Variants in NLGN4X observed in about 807,000 individuals in gnomAD.
NLGN4X encodes the protein neuroligin-4, X-linked.
A neutral mutation model predicts 40.3 loss-of-function variants in NLGN4X; 3 were observed. The observed-to-expected ratio is 0.07, with a 90% CI of 0.03 to 0.19. NLGN4X has a LOEUF of 0.19. Ranked by LOEUF, NLGN4X falls within the 10% of genes least tolerant of loss-of-function variation. NLGN4X has a pLI of 1.00. For missense variants in NLGN4X, 382 were observed against 708.3 expected, an observed-to-expected ratio of 0.54 and a Z score of 5.23; for synonymous variants, 270 against 306.8, an observed-to-expected ratio of 0.88 and a Z score of 1.25.
In NLGN4X at chrX:5,892,534, G is replaced by C. The variant is rs1030341228; in HGVS notation, c.*283C>G. 8 of 337,968 alleles carry C rather than the reference G, an allele frequency of 2.4e-5. No individual in the cohort carries two copies. The Admixed American group carries it at 3.7e-4, about 16-fold the overall frequency. 27.9% of individuals were successfully genotyped at this position (337,968 alleles called of 1,213,427 possible). ...GTGATGTCCTATCACACTAAACATC[G>C]ATTGGAGTGGTAGAGATCTTAAAGC... On this transcript the variant is annotated 3_prime_UTR_variant, in exon 6 of 6. Coordinates refer to ENST00000381095, the MANE Select transcript of NLGN4X (RefSeq NM_181332.3).
At chrX:6,135,571 C>T (rs752089640) in intron 2 of NLGN4X, among the ~76,000 whole-genome samples, 1 of 111,646 alleles carries the variant, frequency 9.0e-6, no homozygotes, top group East Asian at 2.8e-4. Context: ...GCCTACTGGA[C>T]TTACCCAATC....
At position 6,015,483 on chromosome X, in the gene NLGN4X, G is replaced by A. The variant is rs190638069; in HGVS notation, c.625+13797C>T. 5.4e-5 allele frequency among the ~76,000 whole-genome samples: 6 copies of A among 111,241 alleles called. No homozygotes were observed. In the East Asian group the frequency reaches 1.1e-3, roughly 21 times the overall value. On this transcript the variant is annotated intron_variant, in intron 3 of 5. Coordinates refer to ENST00000381095, the MANE Select transcript of NLGN4X (RefSeq NM_181332.3). ...ATTACAAAACCTTGTAAGGAACGGAGGGATGCCTTGTCCATTTTCTATTGA... is the reference window on the plus strand; with the variant it reads ...ATTACAAAACCTTGTAAGGAACGGAAGGATGCCTTGTCCATTTTCTATTGA...
At chrX:6,125,237 G>A (rs143340491) in intron 2 of NLGN4X, among the ~76,000 whole-genome samples, 2,305 of 112,121 alleles carry the variant, frequency 0.021, 55 homozygotes, top group African/African-American at 0.069. Context: ...ACAGGAAGAA[G>A]AGAAAACAGA....
chrX:6,002,475 T>C (rs1267956539), intron 3 of NLGN4X, among the ~76,000 whole-genome samples: 3 of 112,718 alleles, frequency 2.7e-5, no homozygotes, highest in Admixed American at 1.9e-4. Flanking sequence ...AGCTATAAGC[T>C]GTACTTGCCT....
intron 3 of NLGN4X, among the ~76,000 whole-genome samples, chrX:5,993,818 A>T (rs1163685309): frequency 1.8e-5 from 2 of 111,792 alleles, no homozygotes; most frequent in African/African-American, 6.5e-5. Flanking sequence ...TCTAGAGAAC[A>T]GGTGAGGATC....
At chrX:5,915,022 T>A in intron 3 of NLGN4X, among the ~76,000 whole-genome samples, 1 of 112,754 alleles carries the variant, frequency 8.9e-6, no homozygotes, top group South Asian at 3.7e-4. Flanking sequence ...TGCACTGCAT[T>A]CAAATTCTGT....
intron 2 of NLGN4X, among the ~76,000 whole-genome samples, chrX:6,120,383 T>C (rs762848561): frequency 7.2e-5 from 8 of 111,809 alleles, no homozygotes; most frequent in Non-Finnish European, 1.3e-4. Context: ...TAAAGAACTG[T>C]AGAACAGTAC....
intron 3 of NLGN4X, among the ~76,000 whole-genome samples, chrX:5,948,984 A>G (rs940815252): frequency 9.0e-6 from 1 of 111,631 alleles, no homozygotes; most frequent in Non-Finnish European, 1.9e-5. Context: ...AGCACCATGC[A>G]TAGCCTCTCC....
At chrX:6,004,748 CA>C (rs768909914) in intron 3 of NLGN4X, among the ~76,000 whole-genome samples, 2 of 111,968 alleles carry the variant, frequency 1.8e-5, no homozygotes, top group Non-Finnish European at 3.8e-5. Flanking sequence ...TATGTACTCC[CA>C]ACCCTGTTTC....
chrX:6,218,159 C>A (rs1019702189), intron 1 of NLGN4X, among the ~76,000 whole-genome samples: 5 of 111,197 alleles, frequency 4.5e-5, no homozygotes, highest in African/African-American at 6.5e-5. Context: ...TACCTCAAGG[C>A]TAGGACAAAC....
intron 3 of NLGN4X, among the ~76,000 whole-genome samples, chrX:6,024,124 A>C (rs181740069): frequency 1.6e-4 from 18 of 112,138 alleles, no homozygotes; most frequent in African/African-American, 5.8e-4. Context: ...TATCCTCTGC[A>C]GTTTCTGTCT....
Position 6,161,770 on chromosome X carries a change from GAA to G in NLGN4X, c.-305-10001_-305-10000del, listed in dbSNP as rs756879032. On this transcript the variant is annotated intron_variant, in intron 1 of 5. Transcript: ENST00000381095. ...AGAAATATTTATATATAAATACGTG[GAA>G]AGAGAGAGAGGGAGAAAGAGAGGGA... Among the ~76,000 whole-genome samples the G allele has an allele frequency of 6.8e-4, 75 of 110,001 alleles. No homozygotes were observed. The East Asian group carries it at 0.018, about 27-fold the overall frequency.
chrX:5,906,592 C>T (rs1398895693), intron 4 of NLGN4X, among the ~76,000 whole-genome samples: 1 of 111,698 alleles, frequency 9.0e-6, no homozygotes, highest in Non-Finnish European at 1.9e-5. Context: ...CTCACTGCAG[C>T]CTCGACATCC....
intron 5 of NLGN4X, among the ~76,000 whole-genome samples, chrX:5,901,264 T>C (rs1008559222): frequency 1.8e-5 from 2 of 112,348 alleles, no homozygotes; most frequent in African/African-American, 6.5e-5. Context: ...CCAGATCTTC[T>C]AAGGATTACT....
At chrX:6,067,500 A>G (rs1295126767) in intron 2 of NLGN4X, among the ~76,000 whole-genome samples, 1 of 111,203 alleles carries the variant, frequency 9.0e-6, no homozygotes, top group Non-Finnish European at 1.9e-5. Context: ...TCCTCACTCC[A>G]ATATCGTAGT....
intron 3 of NLGN4X, among the ~76,000 whole-genome samples, chrX:6,016,798 A>G (rs1336243283): frequency 8.9e-6 from 1 of 111,851 alleles, no homozygotes; most frequent in African/African-American, 3.3e-5. Flanking sequence ...TAAAAAATAA[A>G]AGAGTAGAGA....
At chrX:5,943,662 C>T (rs752705946) in intron 3 of NLGN4X, among the ~76,000 whole-genome samples, 2 of 112,477 alleles carry the variant, frequency 1.8e-5, no homozygotes, top group South Asian at 7.4e-4. Context: ...GGGTGGTAAA[C>T]TTGCCTTCTA....
chrX:5,957,025 A>C (rs903684031), intron 3 of NLGN4X, among the ~76,000 whole-genome samples: 1 of 110,792 alleles, frequency 9.0e-6, no homozygotes, highest in Non-Finnish European at 1.9e-5. Flanking sequence ...AAACTGAGAG[A>C]GAGAGACAGT....
chrX:6,027,365 CT>C (rs781665164), intron 3 of NLGN4X, among the ~76,000 whole-genome samples: 1 of 112,477 alleles, frequency 8.9e-6, no homozygotes, highest in African/African-American at 3.2e-5. Flanking sequence ...CAAGATGTGG[CT>C]CACAGAAAAC....
Sources: gnomAD v4.1 joint callset for allele counts (sites outside exome capture counted in the v4.1 genomes callset) on GRCh38, gnomAD v4.1.1 for gene constraint, MANE v1.5 for transcripts, NCBI Gene and HGNC (gene_info 2026-07-23, HGNC 2026-07-21) for gene names.